The following SCN7A variants were observed in gnomAD, a reference collection of about 807,000 sequenced individuals.
SCN7A encodes sodium channel protein type 7 subunit alpha.
SCN7A carries 138 observed loss-of-function variants against 155.2 expected under a neutral mutation model. The observed-to-expected ratio is 0.89, with a 90% CI of 0.77 to 1.02. SCN7A has a LOEUF of 1.02. Among genes scored for constraint, SCN7A ranks in the 50% least tolerant of loss-of-function variants. The probability of loss-of-function intolerance (pLI) is 0.00; values close to 1 mark genes in which losing one functional copy is unlikely to be tolerated. For synonymous variants in SCN7A, 693 were observed against 649.0 expected (o/e 1.07, Z -1.03); for missense variants, 2,058 against 1,986.6 (o/e 1.04, Z -0.68).
At chr2:166,451,575 T>C (rs1702177714) in intron 11 of SCN7A, among the ~76,000 whole-genome samples, 1 of 152,200 alleles carries the variant, frequency 6.6e-6, no homozygotes, top group Non-Finnish European at 1.5e-5. Context: ...CACATTTACC[T>C]GAATATCTGA....
intron 2 of SCN7A, among the ~76,000 whole-genome samples, chr2:166,482,917 G>A (rs934293836): frequency 1.3e-5 from 2 of 151,950 alleles, no homozygotes; most frequent in Non-Finnish European, 2.9e-5. Flanking sequence ...CACGCACTAC[G>A]CTTTCTGGTG....
chr2:166,417,531 A>G lies in SCN7A; in HGVS notation c.3136-546T>C, dbSNP rs1025904576. On this transcript the variant is annotated intron_variant, in intron 20 of 25. Transcript: ENST00000643258. ...ATTCTTAAAATGTTTGTACTAAAAA[A>G]TCATTAAATGGCAACAGAGCTAATT... Among the ~76,000 whole-genome samples the G allele has an allele frequency of 1.7e-3, 266 of 152,142 alleles. 1 individual carries two copies. Among genetic ancestry groups the G allele is most frequent in the African/African-American group, 6.3e-3 (260 of 41,536 alleles).
chr2:166,421,542 T>G (rs1701511492), intron 19 of SCN7A, among the ~76,000 whole-genome samples: 1 of 151,994 alleles, frequency 6.6e-6, no homozygotes, highest in Non-Finnish European at 1.5e-5. Context: ...AGGAACATAT[T>G]TTAGTGAGAT....
At position 166,444,293 on chromosome 2, in the gene SCN7A, A is replaced by G. The variant is rs1702017160; in HGVS notation, c.1626+469T>C. ...TGAAAAAGGACTGGTGAATCTCAAA[A>G]ATACCAGGCTAAAATGGTAAGTTCC... is the stretch of plus-strand genomic sequence containing the variant. On this transcript the variant is annotated intron_variant, in intron 13 of 25. Transcript: ENST00000643258. Among the ~76,000 whole-genome samples the G allele has an allele frequency of 2.6e-5, 4 of 152,190 alleles. No individual in the cohort carries two copies. In the South Asian group the frequency reaches 8.3e-4, roughly 31 times the overall value.
chr2:166,453,847 T>C (rs1702225217), intron 11 of SCN7A, among the ~76,000 whole-genome samples: 1 of 152,140 alleles, frequency 6.6e-6, no homozygotes, highest in Admixed American at 6.6e-5. Context: ...CCTCAGTTTG[T>C]TCCATTTTAC....
chr2:166,439,080 G>C (rs957694006), intron 15 of SCN7A, among the ~76,000 whole-genome samples: 1 of 60,632 alleles, frequency 1.6e-5, no homozygotes, highest in African/African-American at 9.0e-5. Flanking sequence ...TATATATATA[G>C]CCTCAGTATT....
In SCN7A at chr2:166,416,984, A is replaced by G. The variant is rs1701392624; in HGVS notation, c.3137T>C (p.Val1046Ala). The part of the protein sequence containing the change: ...RVLSQFERMK[V>A]VVRALIKTTL... ...TGTTTTGATCAAAGCTCTCACAACCACCTGGTATATATAAAAAATGTAAAC... is the reference window on the plus strand; with the variant it reads ...TGTTTTGATCAAAGCTCTCACAACCGCCTGGTATATATAAAAAATGTAAAC... Residue 1046 changes from valine (V) to alanine (A), a missense_variant and splice_region_variant, in exon 21 of 26, where the codon GTG becomes GCG. By Grantham distance (64) the Val-to-Ala change is moderately conservative. Coordinates refer to ENST00000643258, the MANE Select transcript of SCN7A (RefSeq NM_002976.4). 1 of 1,576,380 alleles carries G rather than the reference A, an allele frequency of 6.3e-7. No homozygotes were observed. The highest frequency in any genetic ancestry group is 8.6e-7 in the Non-Finnish European group (1 of 1,161,348).
chr2:166,414,293 CAT>C lies in SCN7A; in HGVS notation c.3415-1174_3415-1173del, dbSNP rs1262942036. Among the ~76,000 whole-genome samples the C allele has an allele frequency of 2.7e-3, 114 of 42,066 alleles. 3 individuals carry two copies. The East Asian group carries it at 0.027, about 10-fold the overall frequency. The allele number at this position is 42,066 out of a possible 152,430, so 27.6% of individuals were successfully genotyped here. On this transcript the variant is annotated intron_variant, in intron 21 of 25. Transcript: ENST00000643258. ...ACACATATATATATATATACACACACATATATATATATATATATACACATATA... is the reference window on the plus strand; with the variant it reads ...ACACATATATATATATATACACACACATATATATATATATATACACATATA...
At chr2:166,471,731 G>A (rs985239231) in intron 6 of SCN7A, among the ~76,000 whole-genome samples, 2 of 150,158 alleles carry the variant, frequency 1.3e-5, no homozygotes, top group South Asian at 2.1e-4. Flanking sequence ...AATGTGGGGG[G>A]GGGGGTGGTG....
intron 15 of SCN7A, among the ~76,000 whole-genome samples, chr2:166,434,653 T>C (rs1011282108): frequency 1.3e-5 from 2 of 152,178 alleles, no homozygotes; most frequent in Non-Finnish European, 2.9e-5. Context: ...GCCACACTAT[T>C]AGCAACTCTA....
intron 11 of SCN7A, among the ~76,000 whole-genome samples, chr2:166,456,376 T>C (rs1216162253): frequency 2.0e-5 from 3 of 151,914 alleles, no homozygotes; most frequent in African/African-American, 7.3e-5. Context: ...AATAAAAAGA[T>C]GCTCTAATAA....
intron 10 of SCN7A, chr2:166,461,756 G>C (rs1408799750): frequency 1.3e-5 from 2 of 152,066 alleles, no homozygotes; most frequent in Non-Finnish European, 2.9e-5. Flanking sequence ...TTTTGGGAGG[G>C]TACTCGACCT....
chr2:166,417,075 A>G lies in SCN7A; in HGVS notation c.3136-90T>C, dbSNP rs111349953. The G allele has an allele frequency of 1.3e-3, 1,338 of 1,011,162 alleles. 15 individuals carry two copies. In the African/African-American group the frequency reaches 0.019, roughly 14 times the overall value. The allele number at this position is 1,011,162 out of a possible 1,614,324, so 62.6% of individuals were successfully genotyped here. A position where few individuals can be genotyped will look rare whatever the true frequency, so the allele number is the denominator to read the frequency against. ...TTTGAAAAATACTAATTGATAGAAT[A>G]ACATATTTAAAAAAAAACCTTAAAA... On this transcript the variant is annotated intron_variant, in intron 20 of 25. Transcript: ENST00000643258.
chr2:166,471,432 C>T (rs2105498481), intron 6 of SCN7A, among the ~76,000 whole-genome samples: 1 of 151,708 alleles, frequency 6.6e-6, no homozygotes. Flanking sequence ...ACAGAAACAG[C>T]AAAACAGCAA....
At chr2:166,453,696 T>G (rs928935877) in intron 11 of SCN7A, among the ~76,000 whole-genome samples, 3 of 152,190 alleles carry the variant, frequency 2.0e-5, no homozygotes, top group African/African-American at 7.2e-5. Context: ...TTTATCTAAC[T>G]GCAGAGCTGT....
intron 15 of SCN7A, among the ~76,000 whole-genome samples, chr2:166,439,408 A>C (rs1701908722): frequency 6.6e-6 from 1 of 152,054 alleles, no homozygotes. Context: ...CCTCTATTAG[A>C]CTTGATATAA....
chr2:166,424,516 C>T (rs1487991717), intron 18 of SCN7A, among the ~76,000 whole-genome samples: 2 of 151,978 alleles, frequency 1.3e-5, no homozygotes, highest in Non-Finnish European at 2.9e-5. Context: ...AAAGATTTAA[C>T]ATGTAAATTC....
chr2:166,438,013 C>T lies in SCN7A; in HGVS notation c.2157+3383G>A, dbSNP rs192978556. On this transcript the variant is annotated intron_variant, in intron 15 of 25. Transcript: ENST00000643258. ...ACTTTGGGGGACTTTTGGAAAGGCA[C>T]GATAGTGTTTTGAAATGTGAGGATA... Among the ~76,000 whole-genome samples, 118 of 152,004 alleles carry T rather than the reference C, an allele frequency of 7.8e-4. No homozygotes were observed. The East Asian group carries it at 0.017, about 22-fold the overall frequency.
intron 12 of SCN7A, among the ~76,000 whole-genome samples, chr2:166,445,635 C>G (rs1354601351): frequency 1.3e-5 from 2 of 152,124 alleles, no homozygotes; most frequent in Non-Finnish European, 2.9e-5. Context: ...CCTTAACCCA[C>G]TTCACATGTG....
Sources: gnomAD v4.1 joint callset for allele counts (sites outside exome capture counted in the v4.1 genomes callset) on GRCh38, gnomAD v4.1.1 for gene constraint, MANE v1.5 for transcripts, NCBI Gene and HGNC (gene_info 2026-07-23, HGNC 2026-07-21) for gene names.